The following CCM2 variants were observed in gnomAD, a reference collection of about 807,000 sequenced individuals.
CCM2 encodes CCM2 scaffold protein.
In CCM2, 25 loss-of-function variants were observed where a neutral mutation model predicts 44.9. The ratio of observed to expected loss-of-function variants is 0.56; its 90% CI spans 0.41 to 0.78. The LOEUF (loss-of-function observed/expected upper bound fraction) is 0.78. CCM2 is among the 30% of genes least tolerant of loss of function. CCM2 has a pLI of 0.00. For synonymous variants in CCM2, 219 were observed against 241.1 expected (o/e 0.91, Z 0.85); for missense variants, 481 against 580.6 (o/e 0.83, Z 1.76).
chr7:45,002,702 G>A (rs1795690622), intron 1 of CCM2, among the ~76,000 whole-genome samples: 2 of 152,234 alleles, frequency 1.3e-5, no homozygotes, highest in Middle Eastern at 3.4e-3. Flanking sequence ...CTCAGCACAT[G>A]TGGTGATGAT....
At position 45,008,610 on chromosome 7, in the gene CCM2, C is replaced by T. The variant is rs549395276; in HGVS notation, c.30+8247C>T. 2.0e-5 allele frequency among the ~76,000 whole-genome samples: 3 copies of T among 152,094 alleles called. No individual in the cohort carries two copies. The East Asian group carries it at 5.8e-4, about 29-fold the overall frequency. On this transcript the variant is annotated intron_variant, in intron 1 of 9. Transcript: ENST00000258781. Reference sequence around the variant, plus strand: ...CTCCCAACCTCAGGTGATCCACCTACCTCGGCCTCCCAAAGTACTGGGATT... The same window carrying T: ...CTCCCAACCTCAGGTGATCCACCTATCTCGGCCTCCCAAAGTACTGGGATT...
chr7:45,046,614 A>G (rs769901734), intron 2 of CCM2, among the ~76,000 whole-genome samples: 8 of 152,252 alleles, frequency 5.3e-5, no homozygotes, highest in Non-Finnish European at 1.0e-4. Context: ...AATGGATCAT[A>G]GGCTTAAATA....
chr7:45,020,713 G>A (rs894237180), intron 1 of CCM2, among the ~76,000 whole-genome samples: 9 of 152,048 alleles, frequency 5.9e-5, no homozygotes, highest in Non-Finnish European at 1.0e-4. Context: ...TTTTTATTAG[G>A]TGAAAGTGGT....
intron 1 of CCM2, chr7:45,027,251 C>T (rs1365754639): frequency 3.5e-6 from 1 of 289,410 alleles, no homozygotes; most frequent in Non-Finnish European, 6.8e-6. Flanking sequence ...TCGCGTGTTT[C>T]CACCCTTCGT....
intron 6 of CCM2, 60 bp downstream of exon 6, chr7:45,070,021 G>A (rs1583984275): frequency 8.1e-6 from 13 of 1,597,694 alleles, no homozygotes; most frequent in Non-Finnish European, 1.0e-5. Context: ...TACTGCAGTG[G>A]CCCCCAGCTC....
intron 1 of CCM2, among the ~76,000 whole-genome samples, chr7:45,034,440 T>A (rs1797115758): frequency 6.8e-6 from 1 of 147,286 alleles, no homozygotes; most frequent in Admixed American, 6.8e-5. Flanking sequence ...CTCAAACTCT[T>A]GACCTCAAGT....
chr7:45,039,872 C>G (rs1797398366), intron 2 of CCM2, among the ~76,000 whole-genome samples: 2 of 151,760 alleles, frequency 1.3e-5, no homozygotes, highest in Non-Finnish European at 2.9e-5. Context: ...ACTAAAAATA[C>G]AAAAATTAGC....
intron 1 of CCM2, 78 bp from the exon 2 acceptor site, chr7:45,038,175 C>T (rs1797315680): frequency 1.9e-6 from 3 of 1,574,144 alleles, no homozygotes; most frequent in African/African-American, 2.7e-5. Flanking sequence ...GTTTTGGCTA[C>T]TTCTGTTTGT....
chr7:45,064,431 C>T (rs1798668019), intron 3 of CCM2, 32 bp from the exon 4 acceptor site: 4 of 1,609,602 alleles, frequency 2.5e-6, no homozygotes, highest in Non-Finnish European at 3.4e-6. Context: ...ACAGCTGAGT[C>T]TGTATTTCTG....
chr7:45,004,773 T>C (rs1795778756), intron 1 of CCM2, among the ~76,000 whole-genome samples: 1 of 152,120 alleles, frequency 6.6e-6, no homozygotes. Flanking sequence ...TTTGGGAGGC[T>C]GAGGTGGGTG....
At chr7:45,048,014 T>A (rs1583926582) in intron 2 of CCM2, among the ~76,000 whole-genome samples, 1 of 151,800 alleles carries the variant, frequency 6.6e-6, no homozygotes, top group Non-Finnish European at 1.5e-5. Flanking sequence ...AGAAAAATTA[T>A]CTAAGTTGTA....
chr7:45,006,699 C>T (rs561821870), intron 1 of CCM2, among the ~76,000 whole-genome samples: 1 of 152,082 alleles, frequency 6.6e-6, no homozygotes, highest in Non-Finnish European at 1.5e-5. Context: ...TTGTGTGGGC[C>T]CTAATCCAAT....
chr7:45,005,080 A>G (rs546503916), intron 1 of CCM2, among the ~76,000 whole-genome samples: 3 of 151,646 alleles, frequency 2.0e-5, no homozygotes, highest in African/African-American at 2.4e-5. Flanking sequence ...CAGAAGGTGA[A>G]TTGGGGCTGC....
chr7:45,032,250 G>A (rs534089009), intron 1 of CCM2, among the ~76,000 whole-genome samples: 1 of 152,292 alleles, frequency 6.6e-6, no homozygotes, highest in African/African-American at 2.4e-5. Flanking sequence ...CTAAGGACTA[G>A]GGCCAGAGAG....
chr7:45,022,738 C>T (rs1456183083), intron 1 of CCM2, among the ~76,000 whole-genome samples: 2 of 151,520 alleles, frequency 1.3e-5, no homozygotes, highest in African/African-American at 4.9e-5. Flanking sequence ...GTGATGAAGT[C>T]TGGCTTTTAT....
intron 2 of CCM2, among the ~76,000 whole-genome samples, chr7:45,040,243 G>T (rs1359458357): frequency 6.6e-6 from 1 of 151,968 alleles, no homozygotes; most frequent in South Asian, 2.1e-4. Context: ...AATTAGCCGG[G>T]CGCGGTGGCG....
intron 2 of CCM2, among the ~76,000 whole-genome samples, chr7:45,055,908 T>TA (rs1798236794): frequency 6.6e-6 from 1 of 152,226 alleles, no homozygotes; most frequent in Non-Finnish European, 1.5e-5. Flanking sequence ...CTACTCTAGG[T>TA]ATCTTATGTA....
intron 3 of CCM2, 67 bp from the exon 4 acceptor site, chr7:45,064,396 C>T: frequency 2.0e-6 from 3 of 1,510,752 alleles, no homozygotes; most frequent in East Asian, 2.3e-5. Context: ...ACAATATTCT[C>T]AGGAGAAGCG....
chr7:45,018,964 T>G (rs1796372402), intron 1 of CCM2, among the ~76,000 whole-genome samples: 1 of 151,910 alleles, frequency 6.6e-6, no homozygotes, highest in Non-Finnish European at 1.5e-5. Flanking sequence ...TTTGCCATGT[T>G]GACCAGGCTG....
Sources: allele counts gnomAD v4.1 joint callset (sites outside exome capture counted in the v4.1 genomes callset), GRCh38; gene constraint gnomAD v4.1.1; transcripts MANE v1.5; gene names NCBI Gene and HGNC (gene_info 2026-07-23, HGNC 2026-07-21).